The following NOP56 variants were observed in gnomAD, a reference collection of about 807,000 sequenced individuals.
The protein encoded by NOP56 is nucleolar protein 56.
A neutral mutation model predicts 58.3 loss-of-function variants in NOP56; 31 were observed. That is an observed-to-expected ratio of 0.53 (90% CI 0.40 to 0.72). The LOEUF (loss-of-function observed/expected upper bound fraction) is 0.72. NOP56 is among the 30% of genes least tolerant of loss of function. The probability of loss-of-function intolerance (pLI) is 0.00; values close to 1 mark genes in which losing one functional copy is unlikely to be tolerated. For synonymous variants in NOP56, 313 were observed against 282.8 expected, an observed-to-expected ratio of 1.11 and a Z score of -1.07; for missense variants, 669 against 739.9, an observed-to-expected ratio of 0.90 and a Z score of 1.11.
At position 2,654,322 on chromosome 20, in the gene NOP56, G is replaced by T. The variant is rs1168899147; in HGVS notation, c.209-92G>T. 7.6e-6 allele frequency: 10 copies of T among 1,322,306 alleles called. No homozygotes were observed. In the Admixed American group the frequency reaches 1.7e-4, roughly 22 times the overall value. The allele number at this position is 1,322,306 out of a possible 1,614,324, so 81.9% of individuals were successfully genotyped here. ...GGAGGGATCTAGGTATGCCATCCCAGCGTGCTCGGTGGGACCAGGGTAGTC... is the reference window on the plus strand; with the variant it reads ...GGAGGGATCTAGGTATGCCATCCCATCGTGCTCGGTGGGACCAGGGTAGTC... On this transcript the variant is annotated intron_variant, in intron 3 of 11. Transcript: ENST00000329276.
At position 2,657,847 on chromosome 20, in the gene NOP56, C is replaced by T. The variant is rs1369327032; in HGVS notation, c.1420-82C>T. ...AACACTGGGCAATGTTAACGACACG[C>T]GTTCCCCTGCCTTGGCTACTTAATT... On this transcript the variant is annotated intron_variant, in intron 11 of 11. Coordinates refer to ENST00000329276, the MANE Select transcript of NOP56 (RefSeq NM_006392.4). 1.8e-5 allele frequency: 26 copies of T among 1,441,534 alleles called. 1 individual carries two copies. Among genetic ancestry groups the T allele is most frequent in the East Asian group, 9.2e-5 (4 of 43,628 alleles). The allele number at this position is 1,441,534 out of a possible 1,614,324, so 89.3% of individuals were successfully genotyped here.
At chr20:2,652,806 GT>G in intron 1 of NOP56, 35 bp from the exon 2 acceptor site, 1 of 1,593,116 alleles carries the variant, frequency 6.3e-7, no homozygotes, top group Non-Finnish European at 8.5e-7. Flanking sequence ...AGACGCTGAG[GT>G]TGCGTTGACG....
At chr20:2,657,535 G>A (rs1010021369) in intron 11 of NOP56, 25 of 558,940 alleles carry the variant, frequency 4.5e-5, no homozygotes, top group Non-Finnish European at 7.9e-5. Flanking sequence ...GTGTCCGGAG[G>A]TGGTCGTGTT....
At chr20:2,653,019 G>T (rs2086770267) in intron 2 of NOP56, 88 bp downstream of exon 2, 5 of 1,260,882 alleles carry the variant, frequency 4.0e-6, no homozygotes, top group Non-Finnish European at 4.4e-6. Context: ...CACGTGGCCG[G>T]CCGAGCGGTT....
intron 3 of NOP56, 161 bp downstream of exon 3, chr20:2,653,554 A>G: frequency 1.6e-6 from 1 of 630,298 alleles, no homozygotes; most frequent in Non-Finnish European, 2.8e-6. Flanking sequence ...AATTGTCTTC[A>G]CAGAGCTCAA....
At chr20:2,656,656 A>C (rs1347494482) in intron 9 of NOP56, 107 bp downstream of exon 9, 4 of 1,605,122 alleles carry the variant, frequency 2.5e-6, no homozygotes, top group Non-Finnish European at 3.4e-6. Context: ...CGTCAACAGC[A>C]GTTCACCTAG....
chr20:2,655,198 G>C, intron 5 of NOP56, 127 bp from the exon 6 acceptor site: 1 of 1,276,212 alleles, frequency 7.8e-7, no homozygotes, highest in Non-Finnish European at 1.1e-6. Flanking sequence ...GGGGAACATA[G>C]AATTGAGGAA....
rs1010066607 is a variant in NOP56 at position 2,652,633 on chromosome 20, T to C, written c.-28T>C. 2.9e-6 allele frequency: 4 copies of C among 1,402,700 alleles called. No homozygotes were observed. The highest frequency in any genetic ancestry group is 1.5e-5 in the African/African-American group (1 of 65,558). 86.9% of individuals were successfully genotyped at this position (1,402,700 alleles called of 1,614,324 possible). On this transcript the variant is annotated 5_prime_UTR_variant, in exon 1 of 12. Transcript: ENST00000329276. ...CGCGCGCCGGAGCGCGCTAGCCGCATTGCGAGCCGAACCCGGGAGCTGGCG... is the reference window on the plus strand; with the variant it reads ...CGCGCGCCGGAGCGCGCTAGCCGCACTGCGAGCCGAACCCGGGAGCTGGCG...
chr20:2,656,736 CTT>C lies in NOP56; in HGVS notation c.1160-36_1160-35del, dbSNP rs2086825640. The C allele has an allele frequency of 3.7e-6, 6 of 1,614,128 alleles. No individual in the cohort carries two copies. The East Asian group carries it at 1.1e-4, about 30-fold the overall frequency. ...AACACAGGGTTGGGGTAGTTTCTCT[CTT>C]TGGGCTGACAGGCTTTGTCACCCAC... On this transcript the variant is annotated intron_variant, in intron 9 of 11. Coordinates refer to ENST00000329276, the MANE Select transcript of NOP56 (RefSeq NM_006392.4).
chr20:2,655,099 TAC>T (rs766157399), intron 5 of NOP56, 152 bp downstream of exon 5: 1 of 1,083,546 alleles, frequency 9.2e-7, no homozygotes, highest in South Asian at 1.3e-5. Context: ...GCTGTGTTCT[TAC>T]ACTGACTGTA....
Position 2,658,275 on chromosome 20 carries a change from A to T in NOP56, c.1766A>T (p.Lys589Ile). ...TCCAAGAAGAAGAAAAAGTTCCATA[A>T]AGCATCCCAGGAAGATTAGAATGCA... ...SSSKKKKKFH[K>I]ASQED Residue 589 changes from lysine to isoleucine, a missense_variant, in exon 12 of 12, where the codon AAA (lysine) becomes ATA (isoleucine). Lys to Ile is a moderately radical substitution (Grantham distance 102, BLOSUM62 -3). Coordinates refer to ENST00000329276, the MANE Select transcript of NOP56 (RefSeq NM_006392.4). 1 of 1,595,784 alleles carries T rather than the reference A, an allele frequency of 6.3e-7. No homozygotes were observed.
At position 2,658,323 on chromosome 20, in the gene NOP56, G is replaced by A. The variant is rs771066477; in HGVS notation, c.*29G>A. ...GCAAATGGACATTCTCTGGGAGGTG[G>A]GGCATACCATAGCCCAAGGTGACAT... On this transcript the variant is annotated 3_prime_UTR_variant, in exon 12 of 12. Coordinates refer to ENST00000329276, the MANE Select transcript of NOP56 (RefSeq NM_006392.4). 7.5e-6 allele frequency: 12 copies of A among 1,601,876 alleles called. No individual in the cohort carries two copies. The Admixed American group carries it at 8.6e-5, about 11-fold the overall frequency.
intron 11 of NOP56, chr20:2,657,528 T>C (rs913339546): frequency 7.0e-6 from 4 of 571,060 alleles, no homozygotes; most frequent in African/African-American, 5.6e-5. Context: ...CAGACGTGTG[T>C]CCGGAGGTGG....
At chr20:2,656,083 A>G in intron 8 of NOP56, 49 bp downstream of exon 8, 1 of 1,613,842 alleles carries the variant, frequency 6.2e-7, no homozygotes, top group African/African-American at 1.3e-5. Context: ...TCTGGTGCCC[A>G]CTGCTTGTTG....
intron 4 of NOP56, 68 bp downstream of exon 4, chr20:2,654,643 G>A: frequency 6.2e-7 from 1 of 1,607,500 alleles, no homozygotes; most frequent in South Asian, 1.1e-5. Context: ...TGGAAACTTG[G>A]TTGCTTGTTG....
At position 2,653,270 on chromosome 20, in the gene NOP56, T is replaced by TC; in HGVS notation, c.94-3dup. 1 of 1,607,326 alleles carries TC rather than the reference T, an allele frequency of 6.2e-7. No homozygotes were observed. The highest frequency in any genetic ancestry group is 8.5e-7 in the Non-Finnish European group (1 of 1,173,972). ...GGAAGGAAACCACTTAGCCTCTTTCTCCCCCCAGGTGGAGGAGTCTGTGCT... is the reference window on the plus strand; with the variant it reads ...GGAAGGAAACCACTTAGCCTCTTTCTCCCCCCCAGGTGGAGGAGTCTGTGCT... On this transcript the variant is annotated splice_polypyrimidine_tract_variant and intron_variant, in intron 2 of 11. Coordinates refer to ENST00000329276, the MANE Select transcript of NOP56 (RefSeq NM_006392.4).
chr20:2,653,078 C>G lies in NOP56; in HGVS notation c.93+147C>G, dbSNP rs1205006804. Reference sequence around the variant, plus strand: ...AAGCTCTAGATCCGGGGGTCTTTACCTTGACCCATGGGTAGAATCGCTCTA... The same window carrying G: ...AAGCTCTAGATCCGGGGGTCTTTACGTTGACCCATGGGTAGAATCGCTCTA... On this transcript the variant is annotated intron_variant, in intron 2 of 11. Transcript: ENST00000329276. 7 of 794,470 alleles carry G rather than the reference C, an allele frequency of 8.8e-6. No homozygotes were observed. In the East Asian group the frequency reaches 1.6e-4, roughly 18 times the overall value. The allele number at this position is 794,470 out of a possible 1,614,324, so 49.2% of individuals were successfully genotyped here. A position where few individuals can be genotyped will look rare whatever the true frequency, so the allele number is the denominator to read the frequency against.
rs1410174208 is a variant in NOP56, at chr20:2,656,531, C to T, written c.1141C>T (p.Arg381Ter). ...GGCAAACAAATGCAGTATTGCCTCA[C>T]GAATCGATTGCTTCTCTGGTATGGG... Reference protein sequence around the residue: ...YLANKCSIASRIDCFSEVPTS... With the variant: ...YLANKCSIAS The change falls in exon 9 of 12, where the codon CGA (arginine) becomes TGA (stop). Residue 381 changes from arginine (R) to a stop codon, truncating the protein, a stop_gained. Transcript: ENST00000329276. LOFTEE classifies it high-confidence loss of function. 4.3e-6 allele frequency: 7 copies of T among 1,613,666 alleles called. No individual in the cohort carries two copies. The highest frequency in any genetic ancestry group is 5.9e-6 in the Non-Finnish European group (7 of 1,180,020).
At chr20:2,657,379 G>A in intron 11 of NOP56, 161 bp downstream of exon 11, 2 of 1,055,840 alleles carry the variant, frequency 1.9e-6, no homozygotes, top group Non-Finnish European at 2.9e-6. Flanking sequence ...ATAGGAAGGA[G>A]ATAGGTGCTG....
Sources: gnomAD v4.1 joint callset for allele counts on GRCh38, gnomAD v4.1.1 for gene constraint, MANE v1.5 for transcripts, NCBI Gene and HGNC (gene_info 2026-07-23, HGNC 2026-07-21) for gene names.